CNTNAP2: variants seen among roughly 807,000 people sequenced by gnomAD.
CNTNAP2 encodes contactin-associated protein-like 2.
A neutral mutation model predicts 155.2 loss-of-function variants in CNTNAP2; 98 were observed. The ratio of observed to expected loss-of-function variants is 0.63; its 90% confidence interval spans 0.54 to 0.75. CNTNAP2 has a LOEUF of 0.75. CNTNAP2 is among the 30% of genes least tolerant of loss of function. CNTNAP2 has a pLI of 0.00. For missense variants in CNTNAP2, 1,727 were observed against 1,688.1 expected (o/e 1.02, Z -0.40); for synonymous variants, 651 against 631.2 (o/e 1.03, Z -0.47).
At chr7:147,267,581 T>A (rs929655531) in intron 8 of CNTNAP2, among the ~76,000 whole-genome samples, 2 of 151,820 alleles carry the variant, frequency 1.3e-5, no homozygotes, top group African/African-American at 4.8e-5. Flanking sequence ...TGAATTCCTA[T>A]AATAGTGCTG....
intron 1 of CNTNAP2, among the ~76,000 whole-genome samples, chr7:146,570,760 A>G (rs1317028510): frequency 6.6e-6 from 1 of 152,058 alleles, no homozygotes; most frequent in Non-Finnish European, 1.5e-5. Flanking sequence ...TAATAATGAT[A>G]TTAGAACAAA....
At chr7:147,570,671 G>A (rs1030317731) in intron 12 of CNTNAP2, among the ~76,000 whole-genome samples, 3 of 152,168 alleles carry the variant, frequency 2.0e-5, no homozygotes, top group Admixed American at 2.0e-4. Flanking sequence ...GACCTCACAA[G>A]GTGGGTAATA....
intron 8 of CNTNAP2, among the ~76,000 whole-genome samples, chr7:147,184,558 C>G (rs1802526865): frequency 6.6e-6 from 1 of 152,126 alleles, no homozygotes; most frequent in African/African-American, 2.4e-5. Context: ...AAACACAGCC[C>G]ACACCAGGGA....
intron 9 of CNTNAP2, among the ~76,000 whole-genome samples, chr7:147,333,125 A>T (rs1795602262): frequency 6.6e-6 from 1 of 152,140 alleles, no homozygotes; most frequent in Admixed American, 6.6e-5. Flanking sequence ...AAACTGATCT[A>T]GGAAGTGAAA....
At chr7:148,414,967 A>T (rs1585361818) in intron 23 of CNTNAP2, 1 of 270,016 alleles carries the variant, frequency 3.7e-6, no homozygotes, top group African/African-American at 2.2e-5. Context: ...CTTTCTATAC[A>T]TAGCTCTCTC....
chr7:146,218,600 CT>C (rs1038722883), intron 1 of CNTNAP2, among the ~76,000 whole-genome samples: 1 of 151,872 alleles, frequency 6.6e-6, no homozygotes, highest in Non-Finnish European at 1.5e-5. Context: ...ATATATATTT[CT>C]TTTTTTTCCC....
At chr7:146,985,015 C>T (rs1468448657) in intron 3 of CNTNAP2, among the ~76,000 whole-genome samples, 1 of 152,148 alleles carries the variant, frequency 6.6e-6, no homozygotes, top group African/African-American at 2.4e-5. Context: ...TGAAATTAAC[C>T]TTTTGTCACA....
intron 21 of CNTNAP2, among the ~76,000 whole-genome samples, chr7:148,297,165 A>AAAGG (rs141074994): frequency 0.098 from 12,642 of 128,856 alleles, 744 homozygotes; most frequent in Middle Eastern, 0.19. Flanking sequence ...GAGATAGAGA[A>AAAGG]AAGGAAGGAA....
chr7:148,303,569 A>G (rs1417236657), intron 21 of CNTNAP2, among the ~76,000 whole-genome samples: 2 of 152,220 alleles, frequency 1.3e-5, no homozygotes, highest in African/African-American at 2.4e-5. Context: ...TAAGCTGAGA[A>G]TGCAATAGTG....
chr7:148,220,568 C>A (rs1294467804), intron 19 of CNTNAP2, among the ~76,000 whole-genome samples: 3 of 146,652 alleles, frequency 2.0e-5, no homozygotes, highest in African/African-American at 2.5e-5. Context: ...TATGTTAAAC[C>A]AAAAAAACAT....
intron 10 of CNTNAP2, among the ~76,000 whole-genome samples, chr7:147,440,855 T>G (rs56191939): frequency 0.18 from 27,701 of 152,036 alleles, 2,738 homozygotes; most frequent in East Asian, 0.36. Flanking sequence ...CCGTTGCATG[T>G]TATTTGTTTC....
intron 9 of CNTNAP2, among the ~76,000 whole-genome samples, chr7:147,320,538 T>G (rs1446952011): frequency 3.3e-5 from 5 of 152,232 alleles, no homozygotes; most frequent in Non-Finnish European, 5.9e-5. Flanking sequence ...TCTCATAAGT[T>G]ATTGCATCCA....
At chr7:146,751,246 T>G (rs1801898636) in intron 1 of CNTNAP2, among the ~76,000 whole-genome samples, 2 of 152,262 alleles carry the variant, frequency 1.3e-5, no homozygotes, top group South Asian at 4.1e-4. Flanking sequence ...CATACACATT[T>G]GAGCATACAA....
At chr7:146,557,385 A>G (rs1259452081) in intron 1 of CNTNAP2, among the ~76,000 whole-genome samples, 3 of 152,084 alleles carry the variant, frequency 2.0e-5, no homozygotes, top group East Asian at 3.8e-4. Context: ...ATTAGAACCA[A>G]TGGAAGGAAA....
intron 14 of CNTNAP2, among the ~76,000 whole-genome samples, chr7:147,937,955 A>G (rs182628179): frequency 8.5e-5 from 13 of 152,310 alleles, no homozygotes; most frequent in Admixed American, 2.6e-4. Flanking sequence ...GGTGCCTTCT[A>G]TCTTAACCAT....
At chr7:147,213,941 CT>C (rs1398414847) in intron 8 of CNTNAP2, among the ~76,000 whole-genome samples, 1 of 152,056 alleles carries the variant, frequency 6.6e-6, no homozygotes, top group Non-Finnish European at 1.5e-5. Flanking sequence ...AGGGCATCAC[CT>C]TTTTGTGCTT....
At chr7:146,503,084 T>A (rs929853835) in intron 1 of CNTNAP2, among the ~76,000 whole-genome samples, 2 of 152,342 alleles carry the variant, frequency 1.3e-5, no homozygotes, top group East Asian at 3.9e-4. Flanking sequence ...TTTATTCTGG[T>A]TATTTATCTT....
chr7:147,074,472 C>A (rs985832198), intron 4 of CNTNAP2, among the ~76,000 whole-genome samples: 2 of 152,100 alleles, frequency 1.3e-5, no homozygotes, highest in Non-Finnish European at 2.9e-5. Context: ...GACCAGTTAG[C>A]ATTTAAGAAA....
intron 10 of CNTNAP2, among the ~76,000 whole-genome samples, chr7:147,452,953 G>C (rs1447321149): frequency 1.3e-5 from 2 of 151,342 alleles, no homozygotes; most frequent in South Asian, 2.1e-4. Context: ...AGAAGAAAGG[G>C]AGGGAGGGGG....
Sources: gnomAD v4.1 joint callset for allele counts (sites outside exome capture counted in the v4.1 genomes callset) on GRCh38, gnomAD v4.1.1 for gene constraint, MANE v1.5 for transcripts, NCBI Gene and HGNC (gene_info 2026-07-23, HGNC 2026-07-21) for gene names.